MYOF: variants seen among roughly 807,000 people sequenced by gnomAD.
MYOF encodes fer-1-like 3, myoferlin.
MYOF carries 244 observed loss-of-function variants against 284.2 expected under a neutral mutation model. That is an observed-to-expected ratio of 0.86 (90% CI 0.77 to 0.95). MYOF has a LOEUF of 0.95. MYOF is among the 40% of genes least tolerant of loss of function. The probability of loss-of-function intolerance (pLI) is 0.00; values close to 1 mark genes in which losing one functional copy is unlikely to be tolerated. For missense variants in MYOF, 2,496 were observed against 2,560.6 expected, an observed-to-expected ratio of 0.97 and a Z score of 0.54; for synonymous variants, 904 against 919.7, an observed-to-expected ratio of 0.98 and a Z score of 0.31.
intron 5 of MYOF, among the ~76,000 whole-genome samples, chr10:93,411,244 A>C (rs1412325430): frequency 6.6e-6 from 1 of 152,198 alleles, no homozygotes; most frequent in East Asian, 1.9e-4. Context: ...TTTATTTCTC[A>C]CAGTTCTGGA....
chr10:93,351,288 G>T lies in MYOF; in HGVS notation c.3830C>A (p.Ser1277Tyr). 1 of 1,612,658 alleles carries T rather than the reference G, an allele frequency of 6.2e-7. No individual in the cohort carries two copies. Among genetic ancestry groups the T allele is most frequent in the Non-Finnish European group, 8.5e-7 (1 of 1,179,520 alleles). Reference sequence around the variant, plus strand: ...TTGAGGGGGAAGAATGGGAAGGTTGGAGCCATCCTGTGAAACAAACATGGA... The same window carrying T: ...TTGAGGGGGAAGAATGGGAAGGTTGTAGCCATCCTGTGAAACAAACATGGA... ...AELILRGKDG[S>Y]NLPILPPQRA... The change falls in exon 35 of 54, where the codon TCC (serine) becomes TAC (tyrosine). Residue 1277 changes from serine to tyrosine, a missense_variant. Physicochemically the swap from Ser to Tyr is moderately radical, Grantham distance 144. This residue lies in a region of MYOF where 2,436 missense variants were observed against 2,480.7 expected (regional missense o/e 0.98). Coordinates refer to ENST00000359263, the MANE Select transcript of MYOF (RefSeq NM_013451.4).
chr10:93,318,829 G>T (rs375644447), intron 49 of MYOF, among the ~76,000 whole-genome samples: 1 of 152,172 alleles, frequency 6.6e-6, no homozygotes, highest in Non-Finnish European at 1.5e-5. Context: ...GGCCTAATGC[G>T]ACACAGGGCT....
intron 27 of MYOF, among the ~76,000 whole-genome samples, chr10:93,363,190 T>C (rs1053375490): frequency 2.0e-5 from 3 of 152,268 alleles, no homozygotes; most frequent in Admixed American, 1.3e-4. Flanking sequence ...TATGAAACTG[T>C]GTGTGCAACA....
intron 3 of MYOF, among the ~76,000 whole-genome samples, chr10:93,437,628 A>G (rs1157888044): frequency 6.6e-6 from 1 of 152,132 alleles, no homozygotes; most frequent in Non-Finnish European, 1.5e-5. Flanking sequence ...AGCAATCCCA[A>G]CCTGACTGGG....
chr10:93,408,854 T>C lies in MYOF; in HGVS notation c.662A>G (p.Lys221Arg). 1 of 1,614,246 alleles carries C rather than the reference T, an allele frequency of 6.2e-7. No homozygotes were observed. The highest frequency in any genetic ancestry group is 8.5e-7 in the Non-Finnish European group (1 of 1,180,046). The change falls in exon 7 of 54, where the codon AAA becomes AGA. Residue 221 changes from lysine (K) to arginine (R), a missense_variant. Lys to Arg is a conservative substitution (Grantham distance 26, BLOSUM62 2). Transcript: ENST00000359263. Reference sequence around the variant, plus strand: ...GTGTGTCTGGCCACAGACGTGAACTTTGACCACAGGCCTTATGTTGTTACC... The same window carrying C: ...GTGTGTCTGGCCACAGACGTGAACTCTGACCACAGGCCTTATGTTGTTACC... ...LSGNNIRPVV[K>R]VHVCGQTHRT...
At chr10:93,409,829 C>T in intron 5 of MYOF, 90 bp from the exon 6 acceptor site, 1 of 1,501,596 alleles carries the variant, frequency 6.7e-7, no homozygotes, top group Non-Finnish European at 9.1e-7. Flanking sequence ...TTTTGTCTGC[C>T]ATTATGTTTT....
rs377212169 is a variant in MYOF, at chr10:93,347,420, C to T, written c.4249+197G>A. Among the ~76,000 whole-genome samples the T allele has an allele frequency of 1.0e-4, 15 of 150,596 alleles. No individual in the cohort carries two copies. In the East Asian group the frequency reaches 2.7e-3, roughly 28 times the overall value. On this transcript the variant is annotated intron_variant, in intron 37 of 53. Coordinates refer to ENST00000359263, the MANE Select transcript of MYOF (RefSeq NM_013451.4). ...ACAAAAAATTAGCCGGGCGCGGTGG[C>T]GGGCGCCTGTAGTCCCAGCTACTCG...
At chr10:93,382,914 T>TA (rs1846191702) in intron 19 of MYOF, among the ~76,000 whole-genome samples, 1 of 152,194 alleles carries the variant, frequency 6.6e-6, no homozygotes, top group Non-Finnish European at 1.5e-5. Flanking sequence ...TCTTTTTTTT[T>TA]AGACTGTGTC....
chr10:93,410,295 C>T (rs1224969451), intron 5 of MYOF, among the ~76,000 whole-genome samples: 2 of 152,152 alleles, frequency 1.3e-5, no homozygotes, highest in Non-Finnish European at 2.9e-5. Context: ...CTTCCTTCCT[C>T]CTCCTGGTTT....
intron 36 of MYOF, among the ~76,000 whole-genome samples, chr10:93,348,915 G>A (rs1379926291): frequency 6.6e-6 from 1 of 152,124 alleles, no homozygotes; most frequent in Non-Finnish European, 1.5e-5. Context: ...TAGAAGGTGT[G>A]GCCTAACACT....
intron 1 of MYOF, among the ~76,000 whole-genome samples, chr10:93,465,529 T>TTTTCC (rs2134363262): frequency 2.3e-5 from 1 of 43,230 alleles, no homozygotes; most frequent in African/African-American, 5.7e-5. Flanking sequence ...TCTTTCTTTT[T>TTTTCC]TTTCTTTTCT....
rs200252603 is a variant in MYOF at position 93,319,976 on chromosome 10, C to G, written c.5494G>C (p.Asp1832His). The part of the protein sequence containing the change: ...PGNEENKQKT[D>H]VHYRSLDGEG... ...CCATCCAAAGATCTGTAATGGACAT[C>G]TGTTTTCTGTTTGTTTTCTTCATTG... Residue 1832 changes from aspartate (D) to histidine (H), a missense_variant, in exon 49 of 54, where the codon GAT becomes CAT. By Grantham distance (81) the Asp-to-His change is moderately conservative. Around this residue, in one of 3 missense-constraint regions of MYOF, gnomAD observed 2,436 missense variants for 2,480.7 expected, o/e 0.98. Coordinates refer to ENST00000359263, the MANE Select transcript of MYOF (RefSeq NM_013451.4). 116 of 1,614,074 alleles carry G rather than the reference C, an allele frequency of 7.2e-5. No individual in the cohort carries two copies. Among genetic ancestry groups the G allele is most frequent in the Non-Finnish European group, 9.4e-5 (111 of 1,180,036 alleles).
At chr10:93,429,957 T>TG (rs1235995491) in intron 4 of MYOF, among the ~76,000 whole-genome samples, 2 of 147,958 alleles carry the variant, frequency 1.4e-5, no homozygotes, top group African/African-American at 5.0e-5. Flanking sequence ...TTTTTTGAGA[T>TG]GGAGTCTTGC....
Position 93,340,658 on chromosome 10 carries a change from C to T in MYOF, c.4327-494G>A, listed in dbSNP as rs118188665. Among the ~76,000 whole-genome samples the T allele has an allele frequency of 4.9e-3, 743 of 152,284 alleles. 1 individual carries two copies. Among genetic ancestry groups the T allele is most frequent in the Non-Finnish European group, 8.2e-3 (558 of 68,026 alleles). On this transcript the variant is annotated intron_variant, in intron 38 of 53. Transcript: ENST00000359263. ...GACTGCAATGTTATCATACAGGTAC[C>T]CCCCAGCCATGCCTATGTTACAGCA... is the stretch of plus-strand genomic sequence containing the variant.
At chr10:93,353,786 A>G in intron 32 of MYOF, 25 bp downstream of exon 32, 1 of 1,575,448 alleles carries the variant, frequency 6.3e-7, no homozygotes, top group Non-Finnish European at 8.7e-7. Flanking sequence ...AATCATGTGT[A>G]GCATGTAGAT....
chr10:93,409,049 G>C (rs1847771465), intron 6 of MYOF, 134 bp from the exon 7 acceptor site: 1 of 1,366,970 alleles, frequency 7.3e-7, no homozygotes, highest in Non-Finnish European at 9.9e-7. Flanking sequence ...TGCTATACCA[G>C]GTGCTACCAA....
At chr10:93,443,627 A>G (rs2056342972) in intron 3 of MYOF, among the ~76,000 whole-genome samples, 1 of 152,086 alleles carries the variant, frequency 6.6e-6, no homozygotes, top group South Asian at 2.1e-4. Flanking sequence ...CTTGCATTGC[A>G]GCATGGAAAT....
chr10:93,457,765 G>A (rs1249409547), intron 1 of MYOF, among the ~76,000 whole-genome samples: 1 of 146,052 alleles, frequency 6.8e-6, no homozygotes. Flanking sequence ...ACAGGGTCTC[G>A]CGAGGTCGCC....
chr10:93,331,729 T>C (rs1433573871), intron 43 of MYOF, among the ~76,000 whole-genome samples: 1 of 150,440 alleles, frequency 6.6e-6, no homozygotes, highest in Non-Finnish European at 1.5e-5. Context: ...GGTGGGCAGG[T>C]GTGTGCATGT....
Sources: allele counts gnomAD v4.1 joint callset (sites outside exome capture counted in the v4.1 genomes callset), GRCh38; gene constraint gnomAD v4.1.1; regional missense constraint gnomAD v4.1.1; transcripts MANE v1.5; gene names NCBI Gene and HGNC (gene_info 2026-07-23, HGNC 2026-07-21).